Variants in DISC1 observed in about 807,000 individuals in gnomAD.
DISC1 encodes disrupted in schizophrenia 1 protein.
DISC1 carries 57 observed loss-of-function variants against 84.5 expected under a neutral mutation model. The observed-to-expected ratio is 0.67, with a 90% CI of 0.55 to 0.84. The LOEUF (loss-of-function observed/expected upper bound fraction) is 0.84. DISC1 is among the 40% of genes least tolerant of loss of function. The pLI is 0.00. For missense variants in DISC1, 1,000 were observed against 1,057.8 expected (o/e 0.95, Z 0.76); for synonymous variants, 411 against 415.2 (o/e 0.99, Z 0.12).
chr1:231,827,802 A>G (rs1032900525), intron 9 of DISC1, among the ~76,000 whole-genome samples: 4 of 152,152 alleles, frequency 2.6e-5, no homozygotes, highest in Non-Finnish European at 5.9e-5. Flanking sequence ...GGGCTGGATC[A>G]CTGTAGGGGT....
intron 9 of DISC1, among the ~76,000 whole-genome samples, chr1:231,822,436 G>A (rs200080212): frequency 5.9e-5 from 9 of 152,100 alleles, no homozygotes; most frequent in Admixed American, 3.9e-4. Flanking sequence ...TTTGTCTTTC[G>A]GTGAGTAAGA....
intron 12 of DISC1, among the ~76,000 whole-genome samples, chr1:232,030,135 G>C (rs1669864829): frequency 6.6e-6 from 1 of 152,212 alleles, no homozygotes; most frequent in African/African-American, 2.4e-5. Context: ...CTGAGAAGGG[G>C]ACAGGAGGTG....
chr1:231,736,443 C>CATTTGT (rs1450273520), intron 3 of DISC1, among the ~76,000 whole-genome samples: 2 of 152,242 alleles, frequency 1.3e-5, no homozygotes, highest in Non-Finnish European at 2.9e-5. Flanking sequence ...TCACTTTCTG[C>CATTTGT]ATTTGTATTC....
intron 9 of DISC1, among the ~76,000 whole-genome samples, chr1:231,879,831 C>T (rs958279744): frequency 6.6e-6 from 1 of 152,024 alleles, no homozygotes; most frequent in East Asian, 1.9e-4. Context: ...AATTCTAGTG[C>T]ATTAAGAGTA....
At chr1:231,688,269 G>A (rs1341922328) in intron 1 of DISC1, among the ~76,000 whole-genome samples, 1 of 152,136 alleles carries the variant, frequency 6.6e-6, no homozygotes, top group Non-Finnish European at 1.5e-5. Flanking sequence ...ACAATGGCGT[G>A]TGGGTTTGCT....
chr1:231,903,374 C>T (rs1299259912), intron 9 of DISC1, among the ~76,000 whole-genome samples: 2 of 152,136 alleles, frequency 1.3e-5, no homozygotes, highest in Middle Eastern at 3.2e-3. Context: ...AGGACTTCAA[C>T]AATTTAACCC....
intron 9 of DISC1, among the ~76,000 whole-genome samples, chr1:231,863,035 G>A (rs906923151): frequency 6.6e-6 from 1 of 151,964 alleles, no homozygotes; most frequent in African/African-American, 2.4e-5. Context: ...AATAAAGTCG[G>A]TCACCCCATT....
intron 4 of DISC1, among the ~76,000 whole-genome samples, chr1:231,763,672 A>G (rs1306598385): frequency 2.0e-5 from 3 of 152,216 alleles, no homozygotes; most frequent in African/African-American, 7.2e-5. Flanking sequence ...CGTAAGTGTC[A>G]AGTTAAGACT....
intron 3 of DISC1, among the ~76,000 whole-genome samples, chr1:231,732,091 A>G (rs2071594700): frequency 6.6e-6 from 1 of 152,232 alleles, no homozygotes; most frequent in Non-Finnish European, 1.5e-5. Flanking sequence ...CTGCTCAGCC[A>G]TAAAGTCCTC....
chr1:231,771,970 A>AT (rs34623749), intron 6 of DISC1, among the ~76,000 whole-genome samples: 41 of 145,602 alleles, frequency 2.8e-4, no homozygotes, highest in South Asian at 1.5e-3. Context: ...ACATCTGGCT[A>AT]TTTTTTTTTT....
intron 1 of DISC1, among the ~76,000 whole-genome samples, chr1:231,687,418 G>A (rs1408004299): frequency 3.3e-5 from 5 of 152,140 alleles, no homozygotes; most frequent in Non-Finnish European, 5.9e-5. Flanking sequence ...AGAAGCCCTT[G>A]ATAAACCCAT....
intron 9 of DISC1, among the ~76,000 whole-genome samples, chr1:231,939,889 C>T (rs879531520): frequency 3.3e-5 from 5 of 151,852 alleles, no homozygotes; most frequent in Non-Finnish European, 7.4e-5. Context: ...ATCACAGGCA[C>T]GTGCCACTGT....
At chr1:231,909,633 T>C (rs1032510174) in intron 9 of DISC1, among the ~76,000 whole-genome samples, 34 of 151,928 alleles carry the variant, frequency 2.2e-4, no homozygotes, top group Non-Finnish European at 3.8e-4. Context: ...TAAAATTCTC[T>C]TTTTTTTGTC....
At chr1:232,034,860 C>T (rs777429814) in intron 12 of DISC1, among the ~76,000 whole-genome samples, 6 of 150,244 alleles carry the variant, frequency 4.0e-5, no homozygotes, top group Non-Finnish European at 7.4e-5. Flanking sequence ...TAAAGATTAG[C>T]GGAACTATGT....
intron 9 of DISC1, among the ~76,000 whole-genome samples, chr1:231,853,680 T>C (rs904301216): frequency 6.6e-6 from 1 of 152,162 alleles, no homozygotes; most frequent in Non-Finnish European, 1.5e-5. Flanking sequence ...GTGAGGAAGG[T>C]ACTGGCTTCT....
At chr1:231,711,205 A>T (rs998576044) in intron 3 of DISC1, among the ~76,000 whole-genome samples, 1 of 152,152 alleles carries the variant, frequency 6.6e-6, no homozygotes, top group African/African-American at 2.4e-5. Flanking sequence ...GCCATGGTGG[A>T]CAAACTATGC....
chr1:231,971,972 T>C (rs1376557265), intron 10 of DISC1, among the ~76,000 whole-genome samples: 3 of 152,206 alleles, frequency 2.0e-5, no homozygotes, highest in Non-Finnish European at 4.4e-5. Context: ...GTCATTTGAC[T>C]GAGTTATTTC....
intron 2 of DISC1, 111 bp from the exon 3 acceptor site, chr1:231,701,844 G>T: frequency 2.3e-6 from 2 of 880,778 alleles, no homozygotes; most frequent in Non-Finnish European, 1.6e-6. Flanking sequence ...TTTAAAAAGA[G>T]AATGAAGAAG....
chr1:231,892,697 A>C (rs1422716413), intron 9 of DISC1, among the ~76,000 whole-genome samples: 1 of 152,150 alleles, frequency 6.6e-6, no homozygotes, highest in Non-Finnish European at 1.5e-5. Flanking sequence ...AAGTCTGCTG[A>C]TATGGAGTAC....
Sources: allele counts gnomAD v4.1 joint callset (sites outside exome capture counted in the v4.1 genomes callset), GRCh38; gene constraint gnomAD v4.1.1; transcripts MANE v1.5; gene names NCBI Gene and HGNC (gene_info 2026-07-23, HGNC 2026-07-21).